Variants in VEGFC observed in about 807,000 individuals in gnomAD.
The protein encoded by VEGFC is vascular endothelial growth factor C, also known as FLT4 ligand DHM.
Under a neutral mutation model 46.1 loss-of-function variants are expected in VEGFC, and 12 were observed. That is an observed-to-expected ratio of 0.26 (90% CI 0.17 to 0.42). VEGFC has a LOEUF of 0.42. Ranked by LOEUF, VEGFC falls within the 10% of genes least tolerant of loss-of-function variation. The pLI is 1.00. For synonymous variants in VEGFC, 232 were observed against 195.5 expected (o/e 1.19, Z -1.56); for missense variants, 488 against 529.4 (o/e 0.92, Z 0.77).
chr4:176,731,932 CT>C (rs1344871352), intron 1 of VEGFC, among the ~76,000 whole-genome samples: 1 of 151,476 alleles, frequency 6.6e-6, no homozygotes, highest in Non-Finnish European at 1.5e-5. Context: ...AATAGATCAG[CT>C]GGAGAAAAAC....
chr4:176,792,464 G>A lies in VEGFC; in HGVS notation c.-153C>T. On this transcript the variant is annotated 5_prime_UTR_variant, in exon 1 of 7. Transcript: ENST00000618562. The surrounding 1 kb of genome is among the most constrained non-coding windows in gnomAD (Gnocchi z 6.3). The stretch of plus-strand genomic sequence containing the variant: ...GGCGAGCCGGAGGCGGCGGGAGCGG[G>A]TCCGGGGCTCCGCGTTCCCAACTTT... 1 of 515,998 alleles carries A rather than the reference G, an allele frequency of 1.9e-6. No individual in the cohort carries two copies. The highest frequency in any genetic ancestry group is 3.1e-6 in the Non-Finnish European group (1 of 322,180). The allele number at this position is 515,998 out of a possible 1,614,324, so 32.0% of individuals were successfully genotyped here.
At position 176,792,424 on chromosome 4, in the gene VEGFC, C is replaced by A; in HGVS notation, c.-113G>T. On this transcript the variant is annotated 5_prime_UTR_variant, in exon 1 of 7. Coordinates refer to ENST00000618562, the MANE Select transcript of VEGFC (RefSeq NM_005429.5). This position sits in a 1 kb window ranked among gnomAD's most constrained non-coding sequence, Gnocchi z 6.3. ...TGGTCCCTCTCCCCCGGGCTCCTCC[C>A]GGCGACCCCCCCTGGGCGAGCCGGA... is the stretch of plus-strand genomic sequence containing the variant. The A allele has an allele frequency of 1.2e-6, 1 of 839,882 alleles. No homozygotes were observed. The highest frequency in any genetic ancestry group is 1.7e-6 in the Non-Finnish European group (1 of 602,702). 52.0% of individuals were successfully genotyped at this position (839,882 alleles called of 1,614,324 possible).
intron 1 of VEGFC, among the ~76,000 whole-genome samples, chr4:176,788,217 T>C (rs918572317): frequency 7.2e-5 from 11 of 152,382 alleles, no homozygotes; most frequent in African/African-American, 2.6e-4. Context: ...GTCGTTCTTA[T>C]AATATTACCA....
At chr4:176,790,149 T>C (rs1736066678) in intron 1 of VEGFC, among the ~76,000 whole-genome samples, 1 of 152,210 alleles carries the variant, frequency 6.6e-6, no homozygotes, top group South Asian at 2.1e-4. Flanking sequence ...GCAGTTTCAC[T>C]GAATGCATTA....
intron 3 of VEGFC, among the ~76,000 whole-genome samples, chr4:176,716,739 C>T (rs1734707204): frequency 6.6e-6 from 1 of 152,000 alleles, no homozygotes; most frequent in Admixed American, 6.6e-5. Context: ...TTCCCTTATG[C>T]AATTTGTTCT....
At chr4:176,710,751 T>C (rs1227489142) in intron 4 of VEGFC, among the ~76,000 whole-genome samples, 1 of 152,104 alleles carries the variant, frequency 6.6e-6, no homozygotes, top group African/African-American at 2.4e-5. Flanking sequence ...TCTCAGATCT[T>C]AGGCAGTAAT....
At chr4:176,690,791 T>C (rs1421303764) in intron 4 of VEGFC, among the ~76,000 whole-genome samples, 1 of 152,232 alleles carries the variant, frequency 6.6e-6, no homozygotes, top group Non-Finnish European at 1.5e-5. Context: ...GCTTCTGTGT[T>C]GATTGATATA....
At chr4:176,790,576 C>T (rs1211363419) in intron 1 of VEGFC, among the ~76,000 whole-genome samples, 1 of 152,128 alleles carries the variant, frequency 6.6e-6, no homozygotes, top group Admixed American at 6.6e-5. Context: ...TCTAGACTCA[C>T]CCAGCAGTGA....
intron 6 of VEGFC, among the ~76,000 whole-genome samples, chr4:176,686,634 GTCGAATAACT>G (rs1734047510): frequency 6.6e-6 from 1 of 152,116 alleles, no homozygotes. Context: ...ATGTGCTTGA[GTCGAATAACT>G]TCATTTTTTT....
chr4:176,778,024 T>C, intron 1 of VEGFC, among the ~76,000 whole-genome samples: 1 of 150,284 alleles, frequency 6.7e-6, no homozygotes, highest in South Asian at 2.2e-4. Context: ...CAGCTTATTT[T>C]ACAGCTTATT....
chr4:176,754,041 T>C (rs1465377109), intron 1 of VEGFC, among the ~76,000 whole-genome samples: 4 of 152,050 alleles, frequency 2.6e-5, no homozygotes, highest in Admixed American at 6.6e-5. Flanking sequence ...TTCCAGATGA[T>C]GAACATAAAG....
intron 3 of VEGFC, 130 bp downstream of exon 3, chr4:176,727,648 A>C: frequency 1.4e-6 from 1 of 739,212 alleles, no homozygotes; most frequent in Non-Finnish European, 1.8e-6. Flanking sequence ...TCATTCCCCT[A>C]AAGAAAATAT....
intron 1 of VEGFC, among the ~76,000 whole-genome samples, chr4:176,730,191 T>C (rs115674333): frequency 0.01 from 1,539 of 152,294 alleles, 10 homozygotes; most frequent in Non-Finnish European, 0.016. Context: ...GTAGGAATTT[T>C]ACTTTCATGG....
At chr4:176,718,274 G>A (rs572278591) in intron 3 of VEGFC, among the ~76,000 whole-genome samples, 4 of 152,136 alleles carry the variant, frequency 2.6e-5, no homozygotes, top group African/African-American at 7.2e-5. Flanking sequence ...TACAAATCAC[G>A]TTCCACTTGC....
intron 3 of VEGFC, among the ~76,000 whole-genome samples, chr4:176,726,633 G>T (rs572606647): frequency 6.6e-5 from 10 of 152,116 alleles, no homozygotes; most frequent in Admixed American, 6.6e-4. Flanking sequence ...CCAAATGATC[G>T]TAACAGTAAA....
chr4:176,737,249 T>C (rs1356491711), intron 1 of VEGFC, among the ~76,000 whole-genome samples: 1 of 144,262 alleles, frequency 6.9e-6, no homozygotes, highest in Admixed American at 7.2e-5. Flanking sequence ...TTAACATTAA[T>C]GTTAAATGTT....
chr4:176,779,769 T>C (rs1165684561), intron 1 of VEGFC, among the ~76,000 whole-genome samples: 1 of 151,858 alleles, frequency 6.6e-6, no homozygotes, highest in Non-Finnish European at 1.5e-5. Context: ...AGGCTCCCTA[T>C]CGATTTAATT....
At position 176,771,536 on chromosome 4, in the gene VEGFC, A is replaced by G. The variant is rs1009755747; in HGVS notation, c.147+20629T>C. Among the ~76,000 whole-genome samples the G allele has an allele frequency of 1.8e-4, 28 of 152,186 alleles. 1 individual carries two copies. The highest frequency in any genetic ancestry group is 8.8e-5 in the Non-Finnish European group (6 of 68,032). On this transcript the variant is annotated intron_variant, in intron 1 of 6. Transcript: ENST00000618562. ...TCCAAGGTTTCCATTAACATCATAA[A>G]TGCACTAAATGCATTTTTGTGAGCT...
chr4:176,788,125 T>C (rs1486893924), intron 1 of VEGFC, among the ~76,000 whole-genome samples: 1 of 152,230 alleles, frequency 6.6e-6, no homozygotes, highest in Admixed American at 6.5e-5. Flanking sequence ...AGAGGTAAAA[T>C]CACAATCTTT....
Sources: allele counts gnomAD v4.1 joint callset (sites outside exome capture counted in the v4.1 genomes callset), GRCh38; gene constraint gnomAD v4.1.1; non-coding constraint Gnocchi (gnomAD v3.1); transcripts MANE v1.5; gene names NCBI Gene and HGNC (gene_info 2026-07-23, HGNC 2026-07-21).